CCDC174: variants seen among roughly 807,000 people sequenced by gnomAD.
The protein encoded by CCDC174 is coiled-coil domain containing 174, also known as coiled-coil domain-containing protein 174.
In CCDC174, 37 loss-of-function variants were observed where a neutral mutation model predicts 57.1. The ratio of observed to expected loss-of-function variants is 0.65; its 90% CI spans 0.50 to 0.85. The LOEUF (loss-of-function observed/expected upper bound fraction) is 0.85, where lower values mean the gene tolerates loss of function less well. Among genes scored for constraint, CCDC174 ranks in the 40% least tolerant of loss-of-function variants. The pLI is 0.00. For missense variants in CCDC174, 540 were observed against 574.3 expected (o/e 0.94, Z 0.61); for synonymous variants, 182 against 190.2 (o/e 0.96, Z 0.35).
Position 14,651,828 on chromosome 3 carries a change from G to A in CCDC174, c.-9G>A, listed in dbSNP as rs372643879. On this transcript the variant is annotated 5_prime_UTR_variant, in exon 1 of 11. Transcript: ENST00000383794. ...GGTCCTTCCTGGACCGGGACCCTCT[G>A]CCACGACCATGGACCGTAGGAAAAA... 1 of 1,614,034 alleles carries A rather than the reference G, an allele frequency of 6.2e-7. No individual in the cohort carries two copies. The highest frequency in any genetic ancestry group is 1.3e-5 in the African/African-American group (1 of 74,926).
intron 3 of CCDC174, 115 bp from the exon 4 acceptor site, chr3:14,658,756 G>T: frequency 8.7e-7 from 1 of 1,147,336 alleles, no homozygotes; most frequent in Non-Finnish European, 1.2e-6. Flanking sequence ...GGTTGTGGTT[G>T]TCTTGACAGG....
intron 5 of CCDC174, among the ~76,000 whole-genome samples, chr3:14,663,698 A>G (rs2031226458): frequency 6.6e-6 from 1 of 152,230 alleles, no homozygotes; most frequent in Non-Finnish European, 1.5e-5. Context: ...CTCCAGAAAC[A>G]GAATGGTCTA....
intron 1 of CCDC174, 37 bp from the exon 2 acceptor site, chr3:14,654,389 A>G (rs1670900979): frequency 1.8e-6 from 2 of 1,089,750 alleles, no homozygotes; most frequent in African/African-American, 1.6e-5. Flanking sequence ...ACCTGCAGGA[A>G]TTTAATATTT....
At position 14,669,959 on chromosome 3, in the gene CCDC174, A is replaced by G; in HGVS notation, c.978A>G (p.Pro326=). The G allele has an allele frequency of 1.2e-6, 2 of 1,614,038 alleles. No homozygotes were observed. Among genetic ancestry groups the G allele is most frequent in the East Asian group, 4.5e-5 (2 of 44,878 alleles). The part of the protein sequence containing the change: ...NRDGDVIGPL[P]PEPEAVPTPR... ...ATGGAGATGTTATTGGGCCTTTGCCACCGGAGCCAGAGGCTGTGCCAACCC... is the reference window on the plus strand; with the variant it reads ...ATGGAGATGTTATTGGGCCTTTGCCGCCGGAGCCAGAGGCTGTGCCAACCC... The change falls in exon 10 of 11, where the codon CCA becomes CCG. Residue 326 remains proline, a synonymous_variant. Transcript: ENST00000383794.
intron 3 of CCDC174, among the ~76,000 whole-genome samples, chr3:14,657,012 A>G (rs773770607): frequency 2.6e-5 from 4 of 152,194 alleles, no homozygotes; most frequent in Admixed American, 6.5e-5. Context: ...CCTGTCCCCA[A>G]CAGACCTCAG....
At chr3:14,660,462 C>T (rs753085189) in intron 4 of CCDC174, among the ~76,000 whole-genome samples, 1 of 152,200 alleles carries the variant, frequency 6.6e-6, no homozygotes, top group Admixed American at 6.5e-5. Context: ...CAAGATAGTG[C>T]CACTGCACTC....
chr3:14,665,938 T>C (rs1338580305), intron 6 of CCDC174, among the ~76,000 whole-genome samples: 2 of 146,762 alleles, frequency 1.4e-5, no homozygotes, highest in African/African-American at 5.1e-5. Flanking sequence ...CTCAGGAGGC[T>C]GAGGCAGGAG....
intron 5 of CCDC174, among the ~76,000 whole-genome samples, chr3:14,664,300 C>G (rs2031246874): frequency 6.6e-6 from 1 of 152,172 alleles, no homozygotes; most frequent in Admixed American, 6.5e-5. Context: ...GCTAAAGGCT[C>G]TAGGAGGTTC....
chr3:14,668,865 C>T (rs1047374575), intron 9 of CCDC174, among the ~76,000 whole-genome samples: 1 of 152,188 alleles, frequency 6.6e-6, no homozygotes, highest in Non-Finnish European at 1.5e-5. Flanking sequence ...AGATGGTCAT[C>T]TAGTCCCAGG....
chr3:14,651,844 G>T lies in CCDC174; in HGVS notation c.8G>T (p.Arg3Leu). MD[R>L]RKKPLDVTAS... Reference sequence around the variant, plus strand: ...GGACCCTCTGCCACGACCATGGACCGTAGGAAAAAGCCTTTGGACGTCACG... The same window carrying T: ...GGACCCTCTGCCACGACCATGGACCTTAGGAAAAAGCCTTTGGACGTCACG... Residue 3 changes from arginine (R) to leucine (L), a missense_variant, in exon 1 of 11, where the codon CGT becomes CTT. By Grantham distance (102) the Arg-to-Leu change is moderately radical (BLOSUM62 -2). Transcript: ENST00000383794. 6.2e-7 allele frequency: 1 copy of T among 1,614,098 alleles called. No homozygotes were observed. Among genetic ancestry groups the T allele is most frequent in the Non-Finnish European group, 8.5e-7 (1 of 1,179,960 alleles).
intron 5 of CCDC174, among the ~76,000 whole-genome samples, chr3:14,663,073 C>T (rs1417929320): frequency 6.6e-6 from 1 of 152,138 alleles, no homozygotes; most frequent in Non-Finnish European, 1.5e-5. Context: ...GTTTTTGAGG[C>T]AGGGTCTCCA....
intron 4 of CCDC174, 151 bp downstream of exon 4, chr3:14,659,080 C>A: frequency 1.3e-6 from 1 of 777,502 alleles, no homozygotes; most frequent in Non-Finnish European, 1.9e-6. Context: ...AGAAAATCAG[C>A]AATAATTTAC....
intron 4 of CCDC174, among the ~76,000 whole-genome samples, chr3:14,660,247 T>A (rs1344798856): frequency 6.6e-6 from 1 of 152,254 alleles, no homozygotes; most frequent in Non-Finnish European, 1.5e-5. Flanking sequence ...GGCTCATGCC[T>A]GTAATCCCAG....
At position 14,671,040 on chromosome 3, in the gene CCDC174, C is replaced by A; in HGVS notation, c.1250C>A (p.Ala417Glu). The change falls in exon 11 of 11, where the codon GCA (alanine) becomes GAA (glutamate). Residue 417 changes from alanine (A) to glutamate (E), a missense_variant. Ala to Glu is a moderately radical substitution (Grantham distance 107). Transcript: ENST00000383794. Reference protein sequence around the residue: ...SSQAWSRPGPAQSDPGQCPDQ... With the variant: ...SSQAWSRPGPEQSDPGQCPDQ... ...CAGGCATGGAGCAGACCTGGGCCAG[C>A]ACAGAGTGACCCAGGGCAGTGCCCT... is the stretch of plus-strand genomic sequence containing the variant. The A allele has an allele frequency of 6.2e-7, 1 of 1,614,194 alleles. No individual in the cohort carries two copies. Among genetic ancestry groups the A allele is most frequent in the East Asian group, 2.2e-5 (1 of 44,882 alleles).
chr3:14,668,119 C>G lies in CCDC174; in HGVS notation c.890C>G (p.Ala297Gly). Reference sequence around the variant, plus strand: ...AAGGCTATCTTAGAGGCAAGACTTGCCAAACTTCGACAAAAAAAGATGAAA... The same window carrying G: ...AAGGCTATCTTAGAGGCAAGACTTGGCAAACTTCGACAAAAAAAGATGAAA... Reference protein sequence around the residue: ...KRKAILEARLAKLRQKKMKKS... With the variant: ...KRKAILEARLGKLRQKKMKKS... The change falls in exon 9 of 11, where the codon GCC becomes GGC. Residue 297 changes from alanine (A) to glycine (G), a missense_variant. Coordinates refer to ENST00000383794, the MANE Select transcript of CCDC174 (RefSeq NM_016474.5). 2.5e-6 allele frequency: 4 copies of G among 1,608,448 alleles called. No individual in the cohort carries two copies. Among genetic ancestry groups the G allele is most frequent in the Non-Finnish European group, 3.4e-6 (4 of 1,177,268 alleles).
chr3:14,661,752 G>C, intron 5 of CCDC174, 45 bp downstream of exon 5: 1 of 1,521,560 alleles, frequency 6.6e-7, no homozygotes, highest in Non-Finnish European at 8.9e-7. Context: ...CCTCAGACTT[G>C]CGCTGACATT....
intron 3 of CCDC174, among the ~76,000 whole-genome samples, chr3:14,656,798 T>A (rs2030973693): frequency 6.6e-6 from 1 of 152,234 alleles, no homozygotes; most frequent in Non-Finnish European, 1.5e-5. Context: ...ATCTTTATTA[T>A]TTTTCTAAAG....
intron 1 of CCDC174, among the ~76,000 whole-genome samples, chr3:14,653,571 C>G (rs981257445): frequency 3.9e-5 from 6 of 152,124 alleles, no homozygotes; most frequent in African/African-American, 1.4e-4. Flanking sequence ...AGCAGCTGTA[C>G]CTGGACCATT....
At position 14,661,686 on chromosome 3, in the gene CCDC174, C is replaced by T. The variant is rs1271000961; in HGVS notation, c.464C>T (p.Pro155Leu). The change falls in exon 5 of 11, where the codon CCC (proline) becomes CTC (leucine). Residue 155 changes from proline to leucine, a missense_variant. By Grantham distance (98) the Pro-to-Leu change is moderately conservative. Coordinates refer to ENST00000383794, the MANE Select transcript of CCDC174 (RefSeq NM_016474.5). ...CTTCCTGAGGGAGAGATCCCTCCTCCCCAAGACCCCAGTGAAGAATGGTTG... is the reference window on the plus strand; with the variant it reads ...CTTCCTGAGGGAGAGATCCCTCCTCTCCAAGACCCCAGTGAAGAATGGTTG... ...ENLPEGEIPP[P>L]QDPSEEWVDY... is the part of the protein sequence containing the mutation. The T allele has an allele frequency of 6.2e-7, 1 of 1,613,194 alleles. No individual in the cohort carries two copies. Among genetic ancestry groups the T allele is most frequent in the Admixed American group, 1.7e-5 (1 of 59,754 alleles).
Sources: gnomAD v4.1 joint callset for allele counts (sites outside exome capture counted in the v4.1 genomes callset) on GRCh38, gnomAD v4.1.1 for gene constraint, MANE v1.5 for transcripts, NCBI Gene and HGNC (gene_info 2026-07-23, HGNC 2026-07-21) for gene names.